PARD3B: variants seen among roughly 807,000 people sequenced by gnomAD.
PARD3B encodes the protein partitioning defective 3 homolog B.
PARD3B carries 103 observed loss-of-function variants against 130.2 expected under a neutral mutation model. The ratio of observed to expected loss-of-function variants is 0.79; its 90% CI spans 0.67 to 0.93. The LOEUF (loss-of-function observed/expected upper bound fraction) is 0.93, where lower values mean the gene tolerates loss of function less well. Among genes scored for constraint, PARD3B ranks in the 40% least tolerant of loss-of-function variants. The pLI, the probability that PARD3B is intolerant of heterozygous loss-of-function variation, is 0.00. For synonymous variants in PARD3B, 583 were observed against 553.2 expected (o/e 1.05, Z -0.76); for missense variants, 1,609 against 1,499.2 (o/e 1.07, Z -1.21).
chr2:204,787,246 A>G (rs2042045529), intron 2 of PARD3B, among the ~76,000 whole-genome samples: 2 of 151,972 alleles, frequency 1.3e-5, no homozygotes, highest in Admixed American at 6.6e-5. Context: ...CTTGGCACTC[A>G]TCCGTGAAAG....
chr2:204,851,880 A>T (rs2044721628), intron 2 of PARD3B, among the ~76,000 whole-genome samples: 1 of 151,986 alleles, frequency 6.6e-6, no homozygotes, highest in African/African-American at 2.4e-5. Flanking sequence ...TTTAGTAGAG[A>T]CGGGGTTTCA....
chr2:205,413,630 A>G (rs560379499), intron 19 of PARD3B, among the ~76,000 whole-genome samples: 3 of 152,322 alleles, frequency 2.0e-5, no homozygotes, highest in African/African-American at 7.2e-5. Context: ...GTCAAGAAAT[A>G]TGAGGTTATT....
chr2:205,073,083 A>T (rs1700837413), intron 4 of PARD3B, among the ~76,000 whole-genome samples: 1 of 152,212 alleles, frequency 6.6e-6, no homozygotes, highest in Admixed American at 6.5e-5. Flanking sequence ...ATTAGCAAAA[A>T]GCCAGTTAGT....
rs537749719 is a variant in PARD3B, at chr2:205,069,365, G to C, written c.504+21675G>C. Among the ~76,000 whole-genome samples the C allele has an allele frequency of 3.3e-5, 5 of 152,054 alleles. No homozygotes were observed. In the East Asian group the frequency reaches 9.7e-4, roughly 29 times the overall value. On this transcript the variant is annotated intron_variant, in intron 4 of 22. Transcript: ENST00000406610. The stretch of plus-strand genomic sequence containing the variant: ...GTCTGTTATAAGGGGCATATAGATA[G>C]ATTGTATTTAAAAATCCAGTCTGAT...
At chr2:204,576,241 C>T (rs533140250) in intron 1 of PARD3B, among the ~76,000 whole-genome samples, 40 of 152,242 alleles carry the variant, frequency 2.6e-4, no homozygotes, top group African/African-American at 9.1e-4. Flanking sequence ...TGCCTCTGGC[C>T]AGCAGGCTGG....
chr2:205,512,187 C>T (rs970192873), intron 21 of PARD3B, among the ~76,000 whole-genome samples: 2 of 152,150 alleles, frequency 1.3e-5, no homozygotes, highest in Non-Finnish European at 2.9e-5. Flanking sequence ...TCCAGCCCTC[C>T]TGTGAATCTC....
chr2:204,833,469 C>T (rs746699763), intron 2 of PARD3B, among the ~76,000 whole-genome samples: 14 of 152,044 alleles, frequency 9.2e-5, no homozygotes, highest in Admixed American at 7.2e-4. Context: ...TGAAACCCTT[C>T]GATATGGTTT....
At chr2:204,712,683 C>A (rs937629463) in intron 2 of PARD3B, among the ~76,000 whole-genome samples, 2 of 149,630 alleles carry the variant, frequency 1.3e-5, no homozygotes, top group Admixed American at 1.3e-4. Flanking sequence ...CAATATAATC[C>A]ATGTAAAAGA....
At chr2:205,398,865 T>C (rs1162393656) in intron 18 of PARD3B, among the ~76,000 whole-genome samples, 1 of 152,212 alleles carries the variant, frequency 6.6e-6, no homozygotes, top group African/African-American at 2.4e-5. Context: ...TACAGGACTT[T>C]CTTCAAAATT....
At chr2:205,549,037 TC>T (rs1474415918) in intron 21 of PARD3B, among the ~76,000 whole-genome samples, 7 of 152,248 alleles carry the variant, frequency 4.6e-5, no homozygotes, top group African/African-American at 1.7e-4. Flanking sequence ...ACATCACATG[TC>T]ATCAAGGAAA....
intron 16 of PARD3B, among the ~76,000 whole-genome samples, chr2:205,250,124 TTTC>T (rs1425058536): frequency 6.6e-6 from 1 of 152,094 alleles, no homozygotes; most frequent in Non-Finnish European, 1.5e-5. Flanking sequence ...GAAGGAATTC[TTTC>T]TTATTTTCTT....
At chr2:204,803,347 C>G (rs536923071) in intron 2 of PARD3B, among the ~76,000 whole-genome samples, 1 of 151,676 alleles carries the variant, frequency 6.6e-6, no homozygotes, top group Non-Finnish European at 1.5e-5. Context: ...TCTGAAGATA[C>G]AAACCTCACT....
intron 2 of PARD3B, among the ~76,000 whole-genome samples, chr2:204,861,200 C>A (rs2045178980): frequency 7.2e-6 from 1 of 138,292 alleles, no homozygotes; most frequent in South Asian, 2.2e-4. Flanking sequence ...CTCTCTCTCT[C>A]TCTCTCTCTC....
At position 205,585,201 on chromosome 2, in the gene PARD3B, A is replaced by G. The variant is rs1160624977; in HGVS notation, c.3261-30255A>G. Among the ~76,000 whole-genome samples the G allele has an allele frequency of 6.6e-6, 1 of 152,204 alleles. No homozygotes were observed. The highest frequency in any genetic ancestry group is 1.5e-5 in the Non-Finnish European group (1 of 68,040). On this transcript the variant is annotated intron_variant, in intron 22 of 22. Coordinates refer to ENST00000406610, the MANE Select transcript of PARD3B (RefSeq NM_001302769.2). This position sits in a 1 kb window ranked among gnomAD's most constrained non-coding sequence, Gnocchi z 5.4. ...TGCCTAGGTGTTTATGGCAAGAGGC[A>G]TATTTGGAATGCACAGGCTGGGAGA...
At chr2:205,188,239 C>T (rs975406731) in intron 14 of PARD3B, among the ~76,000 whole-genome samples, 3 of 152,064 alleles carry the variant, frequency 2.0e-5, no homozygotes, top group Admixed American at 6.6e-5. Context: ...AGAGAAGTGG[C>T]GGGAAGGGCA....
At chr2:205,310,081 C>A (rs1321613284) in intron 18 of PARD3B, among the ~76,000 whole-genome samples, 1 of 136,892 alleles carries the variant, frequency 7.3e-6, no homozygotes, top group Non-Finnish European at 1.5e-5. Flanking sequence ...TTAAAATCTA[C>A]TCTTTTTTTT....
chr2:205,205,996 G>A (rs764226789), intron 15 of PARD3B, among the ~76,000 whole-genome samples: 1 of 151,992 alleles, frequency 6.6e-6, no homozygotes, highest in Non-Finnish European at 1.5e-5. Flanking sequence ...TTTTTCTATT[G>A]TTTGGAATAG....
At chr2:204,830,071 G>A (rs1317392371) in intron 2 of PARD3B, among the ~76,000 whole-genome samples, 1 of 150,246 alleles carries the variant, frequency 6.7e-6, no homozygotes, top group South Asian at 2.1e-4. Flanking sequence ...GCCACCATGT[G>A]AAGAAGTGCT....
intron 20 of PARD3B, among the ~76,000 whole-genome samples, chr2:205,441,955 AATTG>A (rs2047730219): frequency 6.6e-6 from 1 of 152,196 alleles, no homozygotes; most frequent in Admixed American, 6.5e-5. Context: ...TAATTCAAAG[AATTG>A]ATTAAGAGTT....
Sources: allele counts gnomAD v4.1 joint callset (sites outside exome capture counted in the v4.1 genomes callset), GRCh38; gene constraint gnomAD v4.1.1; non-coding constraint Gnocchi (gnomAD v3.1); transcripts MANE v1.5; gene names NCBI Gene and HGNC (gene_info 2026-07-23, HGNC 2026-07-21).